The following DST variants were observed in gnomAD, a reference collection of about 807,000 sequenced individuals.
The protein encoded by DST is bullous pemphigoid antigen.
In DST, 253 loss-of-function variants were observed where a neutral mutation model predicts 875.2. That is an observed-to-expected ratio of 0.29 (90% CI 0.26 to 0.32). DST has a LOEUF of 0.32. DST is among the 10% of genes least tolerant of loss of function. The pLI is 1.00. For missense variants in DST, 8,287 were observed against 9,111.6 expected, an observed-to-expected ratio of 0.91 and a Z score of 3.68; for synonymous variants, 3,124 against 3,197.1, an observed-to-expected ratio of 0.98 and a Z score of 0.77.
chr6:56,546,734 AAC>A (rs2152543907), intron 61 of DST, among the ~76,000 whole-genome samples: 1 of 152,198 alleles, frequency 6.6e-6, no homozygotes, highest in South Asian at 2.1e-4. Flanking sequence ...CTTTTCAAGA[AAC>A]CAATGTCTAA....
At chr6:56,667,811 T>TTA (rs34196579) in intron 10 of DST, among the ~76,000 whole-genome samples, 5,642 of 141,552 alleles carry the variant, frequency 0.04, 257 homozygotes, top group East Asian at 0.21. Context: ...GAAAAATGCA[T>TTA]TATATATATA....
chr6:56,698,982 G>A (rs2099278613), intron 9 of DST, among the ~76,000 whole-genome samples: 1 of 152,108 alleles, frequency 6.6e-6, no homozygotes. Flanking sequence ...ACCTCTAGTA[G>A]CAGAACATTT....
intron 4 of DST, among the ~76,000 whole-genome samples, chr6:56,808,149 G>A (rs559182827): frequency 6.6e-6 from 1 of 152,150 alleles, no homozygotes; most frequent in Middle Eastern, 3.4e-3. Context: ...CCTGAGCTAT[G>A]ACGTCATCCA....
chr6:56,526,801 T>A (rs1418101684), intron 68 of DST, among the ~76,000 whole-genome samples: 2 of 152,152 alleles, frequency 1.3e-5, no homozygotes, highest in Non-Finnish European at 2.9e-5. Context: ...ACGGCAAGAT[T>A]TTATCTTTGA....
chr6:56,651,671 C>T (rs2098976468), intron 10 of DST, among the ~76,000 whole-genome samples: 1 of 152,188 alleles, frequency 6.6e-6, no homozygotes, highest in South Asian at 2.1e-4. Flanking sequence ...TACCCTTTCA[C>T]ATCATCTTTG....
At chr6:56,838,733 T>A (rs74379576) in intron 4 of DST, among the ~76,000 whole-genome samples, 2,316 of 152,340 alleles carry the variant, frequency 0.015, 59 homozygotes, top group African/African-American at 0.053. Flanking sequence ...TCTGAACTCA[T>A]ATACACTCCT....
chr6:56,644,710 T>C (rs570752978), intron 15 of DST, among the ~76,000 whole-genome samples: 2 of 152,266 alleles, frequency 1.3e-5, no homozygotes, highest in South Asian at 2.1e-4. Context: ...GAAAATAATG[T>C]TGGAGCTGAG....
intron 3 of DST, among the ~76,000 whole-genome samples, chr6:56,864,366 G>A (rs1056942826): frequency 3.1e-4 from 47 of 151,940 alleles, no homozygotes; most frequent in African/African-American, 1.1e-3. Flanking sequence ...ATATCCTATT[G>A]GTCTGTTTCT....
chr6:56,726,950 G>C (rs1414264906), intron 5 of DST, among the ~76,000 whole-genome samples: 1 of 152,078 alleles, frequency 6.6e-6, no homozygotes, highest in Non-Finnish European at 1.5e-5. Flanking sequence ...GTCTAGTTTT[G>C]AATAACAAAC....
chr6:56,791,529 G>A (rs1389558773), intron 4 of DST, among the ~76,000 whole-genome samples: 1 of 152,122 alleles, frequency 6.6e-6, no homozygotes, highest in Non-Finnish European at 1.5e-5. Context: ...GTTCATACCT[G>A]TAATCCCCAC....
chr6:56,462,902 G>A (rs1252595008), intron 102 of DST, 144 bp downstream of exon 102: 2 of 462,970 alleles, frequency 4.3e-6, no homozygotes, highest in South Asian at 5.3e-5. Context: ...AGAACTGCTC[G>A]GTTGATACTT....
At chr6:56,664,440 T>C (rs2152817973) in intron 10 of DST, among the ~76,000 whole-genome samples, 1 of 152,294 alleles carries the variant, frequency 6.6e-6, no homozygotes, top group Non-Finnish European at 1.5e-5. Flanking sequence ...AACCCTCTGT[T>C]TGTAACACCT....
intron 4 of DST, among the ~76,000 whole-genome samples, chr6:56,743,616 G>A (rs915103039): frequency 2.6e-5 from 4 of 152,016 alleles, no homozygotes; most frequent in Non-Finnish European, 4.4e-5. Flanking sequence ...TTTGCCAGAT[G>A]TTGTTCTCAA....
Position 56,605,180 on chromosome 6 carries a change from T to TA in DST, c.9447dup (p.Ser3150Ter). On this transcript the variant is annotated frameshift_variant, in exon 40 of 104. Coordinates refer to ENST00000680361, the MANE Select transcript of DST (RefSeq NM_001374736.1). LOFTEE classifies it high-confidence loss of function. ...GTAATGTCTGAAGTAATGTCATCAC[T>TA]AATCTCTTTGGAAACTGATGTGTCA... The TA allele has an allele frequency of 6.2e-7, 1 of 1,612,142 alleles. No individual in the cohort carries two copies. The highest frequency in any genetic ancestry group is 8.5e-7 in the Non-Finnish European group (1 of 1,178,972).
At chr6:56,880,233 A>G (rs1472536001) in intron 3 of DST, among the ~76,000 whole-genome samples, 5 of 152,232 alleles carry the variant, frequency 3.3e-5, no homozygotes, top group Admixed American at 3.3e-4. Flanking sequence ...TTAAAAATAT[A>G]TTGAAATCTT....
intron 10 of DST, among the ~76,000 whole-genome samples, chr6:56,656,802 G>A (rs901953330): frequency 1.3e-5 from 2 of 152,038 alleles, no homozygotes; most frequent in Admixed American, 1.3e-4. Context: ...TTCTACTACT[G>A]GGCAAAATGA....
At chr6:56,618,799 A>T (rs2098656213) in intron 36 of DST, 1 of 1,613,996 alleles carries the variant, frequency 6.2e-7, no homozygotes, top group Non-Finnish European at 8.5e-7. Context: ...GTTTGAATTT[A>T]CCAGATTCTT....
chr6:56,606,583 T>C lies in DST; in HGVS notation c.8045A>G (p.Lys2682Arg). ...QGAPVGSLSV[K>R]NKAHCLQDFL... ...ATCCTGAAGACAATGTGCTTTGTTCTTCACACTTAAGCTACCAACTGGTGC... is the reference window on the plus strand; with the variant it reads ...ATCCTGAAGACAATGTGCTTTGTTCCTCACACTTAAGCTACCAACTGGTGC... The change falls in exon 40 of 104, where the codon AAG (lysine) becomes AGG (arginine). Residue 2682 changes from lysine to arginine, a missense_variant. Physicochemically the swap from Lys to Arg is conservative, Grantham distance 26. Around this residue, in one of 10 missense-constraint regions of DST, gnomAD observed 3,138 missense variants for 3,116.6 expected, o/e 1.01. Transcript: ENST00000680361. The C allele has an allele frequency of 6.2e-7, 1 of 1,613,592 alleles. No individual in the cohort carries two copies. Among genetic ancestry groups the C allele is most frequent in the Non-Finnish European group, 8.5e-7 (1 of 1,179,626 alleles).
intron 56 of DST, among the ~76,000 whole-genome samples, chr6:56,561,798 C>G (rs1165374306): frequency 6.6e-6 from 1 of 151,978 alleles, no homozygotes; most frequent in Non-Finnish European, 1.5e-5. Flanking sequence ...TAACAAAAAA[C>G]AAACCACAAA....
Sources: gnomAD v4.1 joint callset for allele counts (sites outside exome capture counted in the v4.1 genomes callset) on GRCh38, gnomAD v4.1.1 for gene constraint, gnomAD v4.1.1 regional missense constraint, MANE v1.5 for transcripts, NCBI Gene and HGNC (gene_info 2026-07-23, HGNC 2026-07-21) for gene names.